The following MCPH1 variants were observed in gnomAD, a reference collection of about 807,000 sequenced individuals.
MCPH1 encodes microcephalin.
In MCPH1, 104 loss-of-function variants were observed where a neutral mutation model predicts 84.5. The ratio of observed to expected loss-of-function variants is 1.23; its 90% CI spans 1.05 to 1.45. The LOEUF (loss-of-function observed/expected upper bound fraction) is 1.45. MCPH1 is among the 40% of genes most tolerant of loss of function. The pLI, the probability that MCPH1 is intolerant of heterozygous loss-of-function variation, is 0.00. For synonymous variants in MCPH1, 514 were observed against 366.8 expected, an observed-to-expected ratio of 1.40 and a Z score of -4.58; for missense variants, 1,498 against 1,005.7, an observed-to-expected ratio of 1.49 and a Z score of -6.62.
chr8:6,479,941 T>G (rs901644406), intron 10 of MCPH1, among the ~76,000 whole-genome samples: 16 of 152,122 alleles, frequency 1.1e-4, no homozygotes, highest in Non-Finnish European at 4.4e-5. Context: ...TTTTCCCCTC[T>G]TAGTAGAAAA....
At chr8:6,470,847 A>C (rs1421621970) in intron 9 of MCPH1, among the ~76,000 whole-genome samples, 2 of 152,232 alleles carry the variant, frequency 1.3e-5, no homozygotes, top group African/African-American at 4.8e-5. Flanking sequence ...GTGTTGTCTC[A>C]AACTGAAGGA....
At chr8:6,628,237 G>A (rs766567192) in intron 13 of MCPH1, among the ~76,000 whole-genome samples, 5 of 151,962 alleles carry the variant, frequency 3.3e-5, no homozygotes, top group African/African-American at 9.7e-5. Flanking sequence ...TTGGGAGGCC[G>A]AAGCGGGCGG....
intron 12 of MCPH1, among the ~76,000 whole-genome samples, chr8:6,594,097 G>A (rs1828732758): frequency 1.3e-5 from 2 of 152,210 alleles, no homozygotes; most frequent in Admixed American, 1.3e-4. Context: ...TCCAGGCAAG[G>A]CTGCTGTGTT....
At chr8:6,423,188 T>TC (rs1300307894) in intron 3 of MCPH1, among the ~76,000 whole-genome samples, 7 of 135,672 alleles carry the variant, frequency 5.2e-5, no homozygotes, top group African/African-American at 2.1e-4. Context: ...TTCTTTTCTT[T>TC]TCTTTTTTTT....
At chr8:6,571,126 A>C (rs1483013397) in intron 12 of MCPH1, among the ~76,000 whole-genome samples, 1 of 152,306 alleles carries the variant, frequency 6.6e-6, no homozygotes, top group Admixed American at 6.5e-5. Flanking sequence ...CATCAAAAAA[A>C]TGCCAGAAGG....
chr8:6,515,321 CA>C (rs1248944120), intron 12 of MCPH1, among the ~76,000 whole-genome samples: 1 of 152,130 alleles, frequency 6.6e-6, no homozygotes, highest in Non-Finnish European at 1.5e-5. Flanking sequence ...CCTTTATGTG[CA>C]ATACTAATCA....
At position 6,503,038 on chromosome 8, in the gene MCPH1, C is replaced by T. The variant is rs529664286; in HGVS notation, c.2214+3109C>T. The stretch of plus-strand genomic sequence containing the variant: ...GGACACAGTGCGCAGCCGTGACTTT[C>T]AGTGCACTGGGCTTAAGTCTTTGAA... On this transcript the variant is annotated intron_variant, in intron 12 of 13. Transcript: ENST00000344683. The T allele has an allele frequency of 5.6e-4, 895 of 1,592,344 alleles. 7 individuals are homozygous for T. The highest frequency in any genetic ancestry group is 3.7e-3 in the South Asian group (320 of 87,652).
intron 12 of MCPH1, among the ~76,000 whole-genome samples, chr8:6,591,589 C>A (rs139080123): frequency 6.6e-6 from 1 of 152,132 alleles, no homozygotes; most frequent in African/African-American, 2.4e-5. Flanking sequence ...AATATCTTTG[C>A]GGTTTCTTTC....
chr8:6,499,312 G>A (rs984119072), intron 11 of MCPH1, among the ~76,000 whole-genome samples: 9 of 152,054 alleles, frequency 5.9e-5, no homozygotes, highest in African/African-American at 9.7e-5. Flanking sequence ...TGATGACGAT[G>A]AAAGCTTGTT....
In MCPH1 at chr8:6,431,496, C is replaced by T; in HGVS notation, c.234-3C>T. 1 of 1,610,412 alleles carries T rather than the reference C, an allele frequency of 6.2e-7. No homozygotes were observed. Among genetic ancestry groups the T allele is most frequent in the Non-Finnish European group, 8.5e-7 (1 of 1,176,912 alleles). On this transcript the variant is annotated splice_region_variant and splice_polypyrimidine_tract_variant and intron_variant, in intron 3 of 13. Transcript: ENST00000344683. ...ATTAGACTACCTTAATTTAATTATA[C>T]AGATGCAGGACAGCTGGAGCACACA... is the stretch of plus-strand genomic sequence containing the variant.
chr8:6,434,293 C>T (rs924095090), intron 4 of MCPH1, among the ~76,000 whole-genome samples: 1 of 152,194 alleles, frequency 6.6e-6, no homozygotes, highest in African/African-American at 2.4e-5. Context: ...TTGTATACTG[C>T]TGACCCTGAG....
In MCPH1 at chr8:6,473,848, G is replaced by C. The variant is rs566024916; in HGVS notation, c.1936-3746G>C. On this transcript the variant is annotated intron_variant, in intron 9 of 13. Coordinates refer to ENST00000344683, the MANE Select transcript of MCPH1 (RefSeq NM_024596.5). ...AAGTAGCTAGCCTTATAAGTCAAGA[G>C]TTATAATCTTTGATCCACTGCTCAA... is the stretch of plus-strand genomic sequence containing the variant. The C allele has an allele frequency of 2.8e-6, 4 of 1,445,556 alleles. No individual in the cohort carries two copies. In the East Asian group the frequency reaches 9.2e-5, roughly 33 times the overall value. 89.5% of individuals were successfully genotyped at this position (1,445,556 alleles called of 1,614,324 possible).
chr8:6,408,969 T>C (rs555830575), intron 1 of MCPH1, among the ~76,000 whole-genome samples: 1 of 151,726 alleles, frequency 6.6e-6, no homozygotes, highest in East Asian at 1.9e-4. Context: ...CACTGCAACC[T>C]CTGCCTCCCG....
intron 9 of MCPH1, among the ~76,000 whole-genome samples, chr8:6,472,802 G>A (rs947742790): frequency 1.2e-4 from 19 of 152,126 alleles, no homozygotes; most frequent in African/African-American, 4.3e-4. Flanking sequence ...TATCATTTAG[G>A]ATTTGATTTG....
At chr8:6,528,573 G>A (rs990079538) in intron 12 of MCPH1, among the ~76,000 whole-genome samples, 5 of 152,204 alleles carry the variant, frequency 3.3e-5, no homozygotes, top group African/African-American at 1.2e-4. Flanking sequence ...AGTGTGAAGC[G>A]GAGCCTCAGC....
In MCPH1 at chr8:6,604,756, C is replaced by T. The variant is rs139520650; in HGVS notation, c.2215-16698C>T. Among the ~76,000 whole-genome samples, 1,514 of 152,326 alleles carry T rather than the reference C, an allele frequency of 9.9e-3. 28 individuals are homozygous for T. The highest frequency in any genetic ancestry group is 0.035 in the African/African-American group (1,448 of 41,574). On this transcript the variant is annotated intron_variant, in intron 12 of 13. Transcript: ENST00000344683. The stretch of plus-strand genomic sequence containing the variant: ...CTGACCTCAGGGGATCTGCCTGCCT[C>T]GGCCTCCCAAAGTGCTGGGATTACA...
intron 12 of MCPH1, among the ~76,000 whole-genome samples, chr8:6,565,692 T>C (rs1246998791): frequency 6.6e-6 from 1 of 152,196 alleles, no homozygotes; most frequent in Non-Finnish European, 1.5e-5. Flanking sequence ...TGCTATGCAC[T>C]GGGGATAGAG....
chr8:6,598,195 A>T (rs191595009), intron 12 of MCPH1, among the ~76,000 whole-genome samples: 2 of 152,030 alleles, frequency 1.3e-5, no homozygotes, highest in African/African-American at 4.8e-5. Context: ...AGCACCAGAG[A>T]CTCCGTGTAC....
At chr8:6,552,946 G>T (rs1274566988) in intron 12 of MCPH1, among the ~76,000 whole-genome samples, 2 of 152,166 alleles carry the variant, frequency 1.3e-5, no homozygotes, top group African/African-American at 4.8e-5. Context: ...GGTTTGCCAG[G>T]GGTTAAGGGG....
Sources: allele counts gnomAD v4.1 joint callset (sites outside exome capture counted in the v4.1 genomes callset), GRCh38; gene constraint gnomAD v4.1.1; transcripts MANE v1.5; gene names NCBI Gene and HGNC (gene_info 2026-07-23, HGNC 2026-07-21).